Variants in NPLOC4 observed in about 807,000 individuals in gnomAD.
NPLOC4 encodes NPL4 homolog, ubiquitin recognition factor, also known as nuclear protein localization protein 4 homolog.
NPLOC4 carries 18 observed loss-of-function variants against 80.6 expected under a neutral mutation model. That is an observed-to-expected ratio of 0.22 (90% CI 0.15 to 0.33). NPLOC4 has a LOEUF of 0.33. Among genes scored for constraint, NPLOC4 ranks in the 10% least tolerant of loss-of-function variants. NPLOC4 has a pLI of 1.00. For synonymous variants in NPLOC4, 313 were observed against 301.5 expected, an observed-to-expected ratio of 1.04 and a Z score of -0.39; for missense variants, 540 against 786.1, an observed-to-expected ratio of 0.69 and a Z score of 3.74.
chr17:81,559,312 T>G lies in NPLOC4; in HGVS notation c.1774A>C (p.Met592Leu). Residue 592 changes from methionine to leucine, a missense_variant, in exon 17 of 17, where the codon ATG (methionine) becomes CTG (leucine). Transcript: ENST00000331134. Reference protein sequence around the residue: ...AMWACQHCTFMNQPGTGHCEM... With the variant: ...AMWACQHCTFLNQPGTGHCEM... ...CAGTGGCCTGTGCCTGGCTGGTTCA[T>G]GAACGTGCAGTGCTGACAGGCCCAC... 1 of 1,606,866 alleles carries G rather than the reference T, an allele frequency of 6.2e-7. No individual in the cohort carries two copies. The highest frequency in any genetic ancestry group is 1.3e-5 in the African/African-American group (1 of 74,980).
At chr17:81,574,771 T>C (rs1308883263) in intron 12 of NPLOC4, among the ~76,000 whole-genome samples, 1 of 152,070 alleles carries the variant, frequency 6.6e-6, no homozygotes, top group African/African-American at 2.4e-5. Flanking sequence ...CCCAGCGCTT[T>C]GGGAGGCCGA....
At chr17:81,589,261 T>C (rs1433409459) in intron 11 of NPLOC4, among the ~76,000 whole-genome samples, 157 bp from the exon 12 acceptor site, 1 of 152,128 alleles carries the variant, frequency 6.6e-6, no homozygotes, top group East Asian at 1.9e-4. Flanking sequence ...CCGGGTGCGG[T>C]GGCTCATGCC....
intron 3 of NPLOC4, among the ~76,000 whole-genome samples, chr17:81,620,853 T>A (rs536176468): frequency 6.6e-6 from 1 of 152,094 alleles, no homozygotes; most frequent in South Asian, 2.1e-4. Flanking sequence ...AAACTTTTTT[T>A]TAAAAAATTA....
intron 1 of NPLOC4, among the ~76,000 whole-genome samples, chr17:81,631,324 C>T (rs909157572): frequency 6.6e-6 from 1 of 151,204 alleles, no homozygotes; most frequent in African/African-American, 2.4e-5. Flanking sequence ...GCAGGAAGAT[C>T]TCTTTAGCCT....
At chr17:81,614,035 G>A (rs986139506) in intron 3 of NPLOC4, among the ~76,000 whole-genome samples, 1 of 152,058 alleles carries the variant, frequency 6.6e-6, no homozygotes. Context: ...CCAGCACTTT[G>A]GGAGGCTGAG....
chr17:81,612,757 T>C (rs1048703727), intron 4 of NPLOC4: 1 of 152,332 alleles, frequency 6.6e-6, no homozygotes, highest in African/African-American at 2.4e-5. Context: ...CATAAGCACT[T>C]CATATAGCCC....
In NPLOC4 at chr17:81,567,793, T is replaced by A; in HGVS notation, c.1450-260A>T. 2.5e-6 allele frequency: 1 copy of A among 392,996 alleles called. No individual in the cohort carries two copies. Among genetic ancestry groups the A allele is most frequent in the Admixed American group, 4.2e-5 (1 of 23,664 alleles). 24.3% of individuals were successfully genotyped at this position (392,996 alleles called of 1,614,324 possible). ...AAGGAGACATGCTTATAAAGCTGAC[T>A]CAGACTGGCCAGGTGTGGAGGCTAA... On this transcript the variant is annotated intron_variant, in intron 14 of 16. Coordinates refer to ENST00000331134, the MANE Select transcript of NPLOC4 (RefSeq NM_017921.4). The surrounding 1 kb of genome is among the most constrained non-coding windows in gnomAD (Gnocchi z 4.5).
At chr17:81,578,721 G>A (rs1246133411) in intron 12 of NPLOC4, among the ~76,000 whole-genome samples, 1 of 152,076 alleles carries the variant, frequency 6.6e-6, no homozygotes, top group African/African-American at 2.4e-5. Context: ...CAGGATGGGG[G>A]AACCACCCCC....
At chr17:81,622,908 T>C (rs1054401805) in intron 2 of NPLOC4, among the ~76,000 whole-genome samples, 3 of 151,254 alleles carry the variant, frequency 2.0e-5, no homozygotes, top group African/African-American at 7.3e-5. Flanking sequence ...AAAAACCCAA[T>C]TCCAGGCCAG....
At chr17:81,590,745 T>C (rs908611269) in intron 11 of NPLOC4, among the ~76,000 whole-genome samples, 8 of 152,114 alleles carry the variant, frequency 5.3e-5, no homozygotes, top group African/African-American at 1.9e-4. Flanking sequence ...AACAGAAACG[T>C]AGTGCACATG....
rs117550005 is a variant in NPLOC4, at chr17:81,593,811, G to A, written c.1120+2305C>T. ...CCCTCCTGGGTGCCCAGTGCCCACTGCCTGATGCCCCAGCTGCTCTCCAGC... is the reference window on the plus strand; with the variant it reads ...CCCTCCTGGGTGCCCAGTGCCCACTACCTGATGCCCCAGCTGCTCTCCAGC... On this transcript the variant is annotated intron_variant, in intron 11 of 16. Coordinates refer to ENST00000331134, the MANE Select transcript of NPLOC4 (RefSeq NM_017921.4). 5.3e-5 allele frequency among the ~76,000 whole-genome samples: 8 copies of A among 152,084 alleles called. No individual in the cohort carries two copies. The East Asian group carries it at 1.6e-3, about 30-fold the overall frequency.
At chr17:81,609,086 T>G (rs1386524983) in intron 5 of NPLOC4, among the ~76,000 whole-genome samples, 3 of 152,190 alleles carry the variant, frequency 2.0e-5, no homozygotes, top group Non-Finnish European at 4.4e-5. Flanking sequence ...AGTGGCACAG[T>G]CTCTGCTCAC....
chr17:81,616,236 G>T, intron 3 of NPLOC4, among the ~76,000 whole-genome samples: 1 of 149,988 alleles, frequency 6.7e-6, no homozygotes. Flanking sequence ...CAGGAGAATG[G>T]CATGAACCCA....
intron 4 of NPLOC4, 191 bp downstream of exon 4, chr17:81,613,127 T>TTA: frequency 2.3e-6 from 1 of 425,902 alleles, no homozygotes; most frequent in Non-Finnish European, 3.9e-6. Context: ...GATAAAAAGC[T>TTA]AAAAAAAAAA....
intron 9 of NPLOC4, among the ~76,000 whole-genome samples, chr17:81,599,078 C>T (rs1438483329): frequency 1.3e-5 from 2 of 152,174 alleles, no homozygotes; most frequent in Non-Finnish European, 1.5e-5. Context: ...CACCTGAGGT[C>T]GAGAGTTCAA....
chr17:81,597,219 C>A (rs758284073), intron 10 of NPLOC4, 26 bp downstream of exon 10: 2 of 1,595,510 alleles, frequency 1.3e-6, no homozygotes, highest in Non-Finnish European at 1.7e-6. Context: ...CATAGGGCCA[C>A]ACGCACAGTC....
At chr17:81,565,464 C>T in intron 16 of NPLOC4, 41 bp downstream of exon 16, 2 of 1,493,018 alleles carry the variant, frequency 1.3e-6, no homozygotes, top group South Asian at 2.4e-5. Context: ...GCTCTCCGGC[C>T]CCAGCCACGG....
Position 81,636,939 on chromosome 17 carries a change from C to T in NPLOC4, c.-9G>A, listed in dbSNP as rs1295203198. 4.4e-6 allele frequency: 6 copies of T among 1,361,386 alleles called. No individual in the cohort carries two copies. Among genetic ancestry groups the T allele is most frequent in the Non-Finnish European group, 5.7e-6 (6 of 1,051,784 alleles). 84.3% of individuals were successfully genotyped at this position (1,361,386 alleles called of 1,614,324 possible). A position where few individuals can be genotyped will look rare whatever the true frequency, so the allele number is the denominator to read the frequency against. Reference sequence around the variant, plus strand: ...ACGATGCTCTCGGCCATGGCGGCTGCTCCTGCCTCCGGGCTCGAGCCCCGG... The same window carrying T: ...ACGATGCTCTCGGCCATGGCGGCTGTTCCTGCCTCCGGGCTCGAGCCCCGG... On this transcript the variant is annotated 5_prime_UTR_variant, in exon 1 of 17. Transcript: ENST00000331134.
In NPLOC4 at chr17:81,602,627, G is replaced by A. The variant is rs539553002; in HGVS notation, c.834+1921C>T. The stretch of plus-strand genomic sequence containing the variant: ...TGAGGCAGGAGAATCACTTGAACCC[G>A]GAAGGCGGAGGTTGAAGTGAGTGGA... On this transcript the variant is annotated intron_variant, in intron 8 of 16. Coordinates refer to ENST00000331134, the MANE Select transcript of NPLOC4 (RefSeq NM_017921.4). Among the ~76,000 whole-genome samples the A allele has an allele frequency of 1.4e-4, 21 of 151,584 alleles. No individual in the cohort carries two copies. In the South Asian group the frequency reaches 1.5e-3, roughly 11 times the overall value.
Sources: gnomAD v4.1 joint callset for allele counts (sites outside exome capture counted in the v4.1 genomes callset) on GRCh38, gnomAD v4.1.1 for gene constraint, Gnocchi (gnomAD v3.1) non-coding constraint, MANE v1.5 for transcripts, NCBI Gene and HGNC (gene_info 2026-07-23, HGNC 2026-07-21) for gene names.